The following RBFOX1 variants were observed in gnomAD, a reference collection of about 807,000 sequenced individuals.
RBFOX1 encodes RNA binding protein fox-1 homolog 1.
In RBFOX1, 8 loss-of-function variants were observed where a neutral mutation model predicts 57.7. The observed-to-expected ratio is 0.14, with a 90% confidence interval of 0.08 to 0.25. The LOEUF is 0.25. Among genes scored for constraint, RBFOX1 ranks in the 10% least tolerant of loss-of-function variants. The pLI is 1.00. For missense variants in RBFOX1, 611 were observed against 548.5 expected, an observed-to-expected ratio of 1.11 and a Z score of -1.14; for synonymous variants, 326 against 222.4, an observed-to-expected ratio of 1.47 and a Z score of -4.15.
intron 3 of RBFOX1, among the ~76,000 whole-genome samples, chr16:6,897,440 T>C (rs116374965): frequency 0.09 from 13,749 of 152,094 alleles, 665 homozygotes; most frequent in South Asian, 0.14. Flanking sequence ...GACTGGGGCA[T>C]GTCCTGACAC....
chr16:6,986,534 C>G (rs1415109600), intron 3 of RBFOX1, among the ~76,000 whole-genome samples: 1 of 152,180 alleles, frequency 6.6e-6, no homozygotes, highest in Non-Finnish European at 1.5e-5. Flanking sequence ...TCAACTGATT[C>G]ACCTGCCTTG....
intron 4 of RBFOX1, among the ~76,000 whole-genome samples, chr16:7,365,363 GTCTCA>G: frequency 6.6e-6 from 1 of 152,084 alleles, no homozygotes; most frequent in Non-Finnish European, 1.5e-5. Context: ...TTTTTTTATA[GTCTCA>G]GTCCATCCAC....
At chr16:7,140,644 C>T (rs1355325506) in intron 4 of RBFOX1, among the ~76,000 whole-genome samples, 1 of 152,134 alleles carries the variant, frequency 6.6e-6, no homozygotes, top group Non-Finnish European at 1.5e-5. Flanking sequence ...TCATCAATAT[C>T]TGAACCAACA....
chr16:7,364,896 G>C (rs2097408499), intron 4 of RBFOX1, among the ~76,000 whole-genome samples: 2 of 152,176 alleles, frequency 1.3e-5, no homozygotes, highest in Non-Finnish European at 2.9e-5. Context: ...ATGCTGTTAG[G>C]AAGGTGTAAT....
intron 4 of RBFOX1, among the ~76,000 whole-genome samples, chr16:7,194,087 C>G (rs1234311388): frequency 3.3e-5 from 5 of 151,966 alleles, no homozygotes; most frequent in African/African-American, 4.8e-5. Flanking sequence ...AGGAGTTATT[C>G]TCTTTCCATT....
intron 1 of RBFOX1, among the ~76,000 whole-genome samples, chr16:6,077,488 A>G (rs972325725): frequency 1.3e-5 from 2 of 152,066 alleles, no homozygotes; most frequent in African/African-American, 4.8e-5. Context: ...ATCACCCATG[A>G]CCACCACCAT....
intron 3 of RBFOX1, among the ~76,000 whole-genome samples, chr16:6,712,944 G>C (rs1337485121): frequency 8.0e-6 from 1 of 125,536 alleles, no homozygotes; most frequent in Non-Finnish European, 1.7e-5. Context: ...TAACTCTCAT[G>C]GGATCTGATG....
intron 5 of RBFOX1, among the ~76,000 whole-genome samples, chr16:7,575,992 G>GGCAT (rs1375874565): frequency 1.3e-5 from 2 of 152,098 alleles, no homozygotes; most frequent in Admixed American, 1.3e-4. Context: ...GGAGTGCAGT[G>GGCAT]GCATGATCTT....
chr16:6,786,502 CTG>C (rs1305323599), intron 3 of RBFOX1, among the ~76,000 whole-genome samples: 1 of 152,090 alleles, frequency 6.6e-6, no homozygotes, highest in East Asian at 1.9e-4. Context: ...CCTTAAAAGA[CTG>C]TAGCTGTGAA....
chr16:5,791,494 C>T (rs527868867), intron 3 of RBFOX1, among the ~76,000 whole-genome samples: 2 of 152,230 alleles, frequency 1.3e-5, no homozygotes, highest in South Asian at 4.2e-4. Flanking sequence ...AATGGTCTAT[C>T]GTGTTCATGC....
At chr16:6,180,339 G>C (rs985826820) in intron 1 of RBFOX1, among the ~76,000 whole-genome samples, 2 of 151,612 alleles carry the variant, frequency 1.3e-5, no homozygotes, top group African/African-American at 4.8e-5. Flanking sequence ...ATTTCCTCTT[G>C]AAATTTTGGT....
chr16:5,820,048 C>G (rs923859622), intron 3 of RBFOX1, among the ~76,000 whole-genome samples: 2 of 152,216 alleles, frequency 1.3e-5, no homozygotes, highest in Admixed American at 1.3e-4. Context: ...GGTGACTTTA[C>G]TGCACACTCA....
chr16:5,455,009 T>TTCTTTCTTTCTG (rs2068582371), intron 1 of RBFOX1, among the ~76,000 whole-genome samples: 1 of 114,338 alleles, frequency 8.7e-6, no homozygotes, highest in Admixed American at 1.0e-4. Context: ...CTTTCTTTCT[T>TTCTTTCTTTCTG]TCTTTCTTTC....
intron 2 of RBFOX1, among the ~76,000 whole-genome samples, chr16:6,399,009 T>C (rs2092956015): frequency 6.6e-6 from 1 of 152,194 alleles, no homozygotes. Flanking sequence ...TCCTCTGAAA[T>C]CTAGGCGAAG....
intron 13 of RBFOX1, among the ~76,000 whole-genome samples, chr16:7,670,233 T>C (rs1181745736): frequency 1.3e-5 from 2 of 152,192 alleles, no homozygotes; most frequent in Non-Finnish European, 2.9e-5. Flanking sequence ...GGTTTCACCA[T>C]GTTGGCCAGG....
chr16:6,208,464 G>A (rs1341026844), intron 1 of RBFOX1, among the ~76,000 whole-genome samples: 1 of 152,124 alleles, frequency 6.6e-6, no homozygotes, highest in Non-Finnish European at 1.5e-5. Context: ...ATTTAGTGGA[G>A]GGTAAGCCCA....
intron 3 of RBFOX1, among the ~76,000 whole-genome samples, chr16:6,759,024 A>T (rs2076215193): frequency 6.6e-6 from 1 of 152,224 alleles, no homozygotes; most frequent in Non-Finnish European, 1.5e-5. Context: ...ATATTGTCAC[A>T]AGAATAGGTT....
chr16:5,463,948 A>AG, intron 1 of RBFOX1, among the ~76,000 whole-genome samples: 1 of 152,348 alleles, frequency 6.6e-6, no homozygotes, highest in African/African-American at 2.4e-5. Flanking sequence ...AGAGGTGTCC[A>AG]GCAGCCTTTG....
At chr16:7,392,238 C>G (rs891494423) in intron 4 of RBFOX1, among the ~76,000 whole-genome samples, 6 of 152,174 alleles carry the variant, frequency 3.9e-5, no homozygotes, top group Non-Finnish European at 8.8e-5. Flanking sequence ...GAAGCCCTCC[C>G]TCCCTGAATC....
Sources: gnomAD v4.1 joint callset for allele counts (sites outside exome capture counted in the v4.1 genomes callset) on GRCh38, gnomAD v4.1.1 for gene constraint, MANE v1.5 for transcripts, NCBI Gene and HGNC (gene_info 2026-07-23, HGNC 2026-07-21) for gene names.